Variants in MYPN observed in about 807,000 individuals in gnomAD.
MYPN encodes myopalladin, also known as sarcomeric protein myopalladin, 145 kDa (MYOP).
In MYPN, 63 loss-of-function variants were observed where a neutral mutation model predicts 129.4. That is an observed-to-expected ratio of 0.49 (90% confidence interval 0.40 to 0.60). The LOEUF (loss-of-function observed/expected upper bound fraction) is 0.60, where lower values mean the gene tolerates loss of function less well. MYPN is among the 20% of genes least tolerant of loss of function. The pLI, the probability that MYPN is intolerant of heterozygous loss-of-function variation, is 0.00. For missense variants in MYPN, 1,596 were observed against 1,635.4 expected, an observed-to-expected ratio of 0.98 and a Z score of 0.42; for synonymous variants, 629 against 600.9, an observed-to-expected ratio of 1.05 and a Z score of -0.68.
intron 2 of MYPN, among the ~76,000 whole-genome samples, chr10:68,123,171 T>C (rs1486643771): frequency 1.3e-5 from 2 of 148,750 alleles, no homozygotes; most frequent in Non-Finnish European, 3.0e-5. Flanking sequence ...GGTCAGGAGT[T>C]CAAGACCAGC....
chr10:68,098,894 C>A (rs577376341), intron 1 of MYPN, among the ~76,000 whole-genome samples: 75 of 152,102 alleles, frequency 4.9e-4, no homozygotes, highest in African/African-American at 1.6e-3. Flanking sequence ...TGAGATTTCC[C>A]ATAGTAGCCA....
At chr10:68,144,653 C>A (rs1027705692) in intron 3 of MYPN, among the ~76,000 whole-genome samples, 1 of 150,476 alleles carries the variant, frequency 6.6e-6, no homozygotes, top group Non-Finnish European at 1.5e-5. Context: ...TTTTTTTTTT[C>A]TTTGTGACAA....
intron 12 of MYPN, 34 bp downstream of exon 12, chr10:68,175,495 T>C: frequency 6.2e-7 from 1 of 1,611,848 alleles, no homozygotes; most frequent in Non-Finnish European, 8.5e-7. Flanking sequence ...TTTATTGAAA[T>C]TTTATTGTAA....
Position 68,121,818 on chromosome 10 carries a change from G to T in MYPN, c.380G>T (p.Ser127Ile). 1 of 1,614,126 alleles carries T rather than the reference G, an allele frequency of 6.2e-7. No individual in the cohort carries two copies. Among genetic ancestry groups the T allele is most frequent in the Non-Finnish European group, 8.5e-7 (1 of 1,180,028 alleles). Reference sequence around the variant, plus strand: ...CAGGATAACCCTCGAAGTCCCACCAGCTCTAAAGAAAGCCCCCAGGAGGCA... The same window carrying T: ...CAGGATAACCCTCGAAGTCCCACCATCTCTAAAGAAAGCCCCCAGGAGGCA... ...FCQDNPRSPT[S>I]SKESPQEAKR... Residue 127 changes from serine to isoleucine, a missense_variant, in exon 2 of 20, where the codon AGC (serine) becomes ATC (isoleucine). By Grantham distance (142) the Ser-to-Ile change is moderately radical (BLOSUM62 -2). Coordinates refer to ENST00000358913, the MANE Select transcript of MYPN (RefSeq NM_032578.4).
At position 68,160,620 on chromosome 10, in the gene MYPN, A is replaced by C. The variant is rs2042960555; in HGVS notation, c.1460-1109A>C. Among the ~76,000 whole-genome samples the C allele has an allele frequency of 2.6e-5, 4 of 152,198 alleles. No homozygotes were observed. In the South Asian group the frequency reaches 8.3e-4, roughly 32 times the overall value. On this transcript the variant is annotated intron_variant, in intron 7 of 19. Transcript: ENST00000358913. ...AGCCCAAAGAATTTTAAGATAAGAT[A>C]AGAACCTACTCTTGGCTGGGCATGG... is the stretch of plus-strand genomic sequence containing the variant.
chr10:68,120,583 C>T (rs1589527348), intron 1 of MYPN, among the ~76,000 whole-genome samples: 1 of 152,170 alleles, frequency 6.6e-6, no homozygotes, highest in Admixed American at 6.5e-5. Context: ...TGAATTTAAA[C>T]AGCTTGTCTC....
chr10:68,147,972 C>A (rs2134087643), intron 4 of MYPN, among the ~76,000 whole-genome samples: 1 of 152,242 alleles, frequency 6.6e-6, no homozygotes, highest in East Asian at 1.9e-4. Context: ...TTTAAAAAGC[C>A]TGGCCTCTTA....
intron 2 of MYPN, among the ~76,000 whole-genome samples, chr10:68,128,707 T>C (rs2042363444): frequency 6.6e-6 from 1 of 152,122 alleles, no homozygotes; most frequent in Non-Finnish European, 1.5e-5. Flanking sequence ...AGGGAGCATA[T>C]AGCAAAGGGA....
chr10:68,141,937 C>G (rs2134062877), intron 2 of MYPN, among the ~76,000 whole-genome samples: 1 of 152,314 alleles, frequency 6.6e-6, no homozygotes, highest in East Asian at 1.9e-4. Flanking sequence ...TTTAGAGCAG[C>G]ATAGTGTTCT....
intron 2 of MYPN, among the ~76,000 whole-genome samples, chr10:68,131,344 G>A (rs1054579868): frequency 1.2e-4 from 18 of 151,342 alleles, no homozygotes; most frequent in African/African-American, 3.6e-4. Flanking sequence ...AGCCGAGATC[G>A]TGTCAGTGCA....
chr10:68,164,975 T>G (rs1261427489), intron 8 of MYPN, among the ~76,000 whole-genome samples: 1 of 152,256 alleles, frequency 6.6e-6, no homozygotes, highest in Admixed American at 6.5e-5. Context: ...CCCAAGGAAA[T>G]AGTGAGAGAT....
chr10:68,191,103 T>C (rs1382815864), intron 13 of MYPN, among the ~76,000 whole-genome samples: 1 of 152,222 alleles, frequency 6.6e-6, no homozygotes, highest in Non-Finnish European at 1.5e-5. Context: ...TAAGGTATAA[T>C]TTGCAATCAG....
At chr10:68,200,417 A>T (rs2043689961) in intron 17 of MYPN, among the ~76,000 whole-genome samples, 1 of 152,202 alleles carries the variant, frequency 6.6e-6, no homozygotes, top group Non-Finnish European at 1.5e-5. Flanking sequence ...TTCAGAATGC[A>T]GGAATTCTGG....
chr10:68,115,811 G>C (rs111870828), intron 1 of MYPN, among the ~76,000 whole-genome samples: 5,793 of 151,976 alleles, frequency 0.038, 162 homozygotes, highest in South Asian at 0.084. Flanking sequence ...TCTTTTTCAC[G>C]CACTTCTTCG....
intron 17 of MYPN, among the ~76,000 whole-genome samples, chr10:68,200,412 A>C (rs143523471): frequency 5.9e-5 from 9 of 152,280 alleles, no homozygotes; most frequent in Non-Finnish European, 1.3e-4. Flanking sequence ...TAAATTTCAG[A>C]ATGCAGGAAT....
At chr10:68,172,276 A>G (rs565728361) in intron 10 of MYPN, among the ~76,000 whole-genome samples, 39 of 152,078 alleles carry the variant, frequency 2.6e-4, no homozygotes, top group Admixed American at 7.2e-4. Flanking sequence ...GATCACTTGA[A>G]CTCAGGAGGT....
At chr10:68,098,392 A>G (rs2041967057) in intron 1 of MYPN, among the ~76,000 whole-genome samples, 1 of 152,198 alleles carries the variant, frequency 6.6e-6, no homozygotes, top group Non-Finnish European at 1.5e-5. Flanking sequence ...AATTAATTTG[A>G]GAGGACAAAA....
chr10:68,211,323 A>G lies in MYPN; in HGVS notation c.*868A>G, dbSNP rs1395575648. ...GCAAGAGTCATCATTTGCCCATAAAATACACCTCATGGGCTCCTACCCCTT... is the reference window on the plus strand; with the variant it reads ...GCAAGAGTCATCATTTGCCCATAAAGTACACCTCATGGGCTCCTACCCCTT... On this transcript the variant is annotated 3_prime_UTR_variant, in exon 20 of 20. Coordinates refer to ENST00000358913, the MANE Select transcript of MYPN (RefSeq NM_032578.4). 1 of 453,996 alleles carries G rather than the reference A, an allele frequency of 2.2e-6. No homozygotes were observed. The highest frequency in any genetic ancestry group is 6.9e-5 in the East Asian group (1 of 14,404). The allele number at this position is 453,996 out of a possible 1,614,324, so 28.1% of individuals were successfully genotyped here. A position where few individuals can be genotyped will look rare whatever the true frequency, so the allele number is the denominator to read the frequency against.
chr10:68,159,898 G>C (rs1261606061), intron 7 of MYPN, among the ~76,000 whole-genome samples: 1 of 151,996 alleles, frequency 6.6e-6, no homozygotes, highest in East Asian at 1.9e-4. Flanking sequence ...ATGATGTTTT[G>C]AAATATATAT....
Sources: allele counts gnomAD v4.1 joint callset (sites outside exome capture counted in the v4.1 genomes callset), GRCh38; gene constraint gnomAD v4.1.1; transcripts MANE v1.5; gene names NCBI Gene and HGNC (gene_info 2026-07-23, HGNC 2026-07-21).